NUTM2G: variants seen among roughly 807,000 people sequenced by gnomAD.
The protein encoded by NUTM2G is NUT family member 2G.
NUTM2G carries 29 observed loss-of-function variants against 44.3 expected under a neutral mutation model. The ratio of observed to expected loss-of-function variants is 0.66; its 90% CI spans 0.49 to 0.89. The LOEUF (loss-of-function observed/expected upper bound fraction) is 0.89. Among genes scored for constraint, NUTM2G ranks in the 40% least tolerant of loss-of-function variants. The pLI, the probability that NUTM2G is intolerant of heterozygous loss-of-function variation, is 0.00. For missense variants in NUTM2G, 502 were observed against 946.5 expected (o/e 0.53, Z 6.16); for synonymous variants, 205 against 395.9 (o/e 0.52, Z 5.72).
At chr9:96,938,152 A>G (rs1826503656) in intron 6 of NUTM2G, 151 bp downstream of exon 6, 3 of 648,978 alleles carry the variant, frequency 4.6e-6, no homozygotes, top group Non-Finnish European at 8.2e-6. Context: ...GTTCAGAGGG[A>G]GTAGGATGGA....
rs368070226 is a variant in NUTM2G at position 96,937,887 on chromosome 9, G to A, written c.1326G>A (p.Val442=). 6.0e-5 allele frequency: 96 copies of A among 1,610,416 alleles called. No homozygotes were observed. In the African/African-American group the frequency reaches 1.2e-3, roughly 20 times the overall value. The change falls in exon 6 of 7, where the codon GTG becomes GTA. Residue 442 remains valine, a splice_region_variant and synonymous_variant. Transcript: ENST00000372322. ...CACCTTCTTCCTTCTGTTTCCAGGT[G>A]GAGGCCGTCATTCACCCCCGATTCC... ...LCSQEDFVTK[V]EAVIHPRFLE...
intron 2 of NUTM2G, among the ~76,000 whole-genome samples, chr9:96,935,026 G>A (rs2479285): frequency 6.6e-6 from 1 of 152,216 alleles, no homozygotes; most frequent in Non-Finnish European, 1.5e-5. Flanking sequence ...TGACACACTG[G>A]CACTGAGGGC....
At chr9:96,937,018 G>A (rs1420041768) in intron 4 of NUTM2G, 46 bp from the exon 5 acceptor site, 10 of 1,501,962 alleles carry the variant, frequency 6.7e-6, no homozygotes, top group Non-Finnish European at 8.9e-6. Flanking sequence ...GTGCAGGCAG[G>A]AGGAGCGGCC....
At chr9:96,933,662 G>C in intron 2 of NUTM2G, 1 of 152,392 alleles carries the variant, frequency 6.6e-6, no homozygotes, top group East Asian at 1.9e-4. Flanking sequence ...GTGAGCCACC[G>C]CACCCACCCT....
Position 96,932,048 on chromosome 9 carries a change from C to A in NUTM2G, c.343C>A (p.Leu115Ile), listed in dbSNP as rs1444660730. Reference protein sequence around the residue: ...APLVWQAPGTLCGGVMCPPPL... With the variant: ...APLVWQAPGTICGGVMCPPPL... ...CCTCGTCTGGCAGGCTCCAGGCACCCTCTGTGGAGGTGTCATGTGTCCACC... is the reference window on the plus strand; with the variant it reads ...CCTCGTCTGGCAGGCTCCAGGCACCATCTGTGGAGGTGTCATGTGTCCACC... Residue 115 changes from leucine (L) to isoleucine (I), a missense_variant, in exon 2 of 7, where the codon CTC becomes ATC. By Grantham distance (5) the Leu-to-Ile change is conservative. Coordinates refer to ENST00000372322, the MANE Select transcript of NUTM2G (RefSeq NM_001170741.3). 1 of 1,609,580 alleles carries A rather than the reference C, an allele frequency of 6.2e-7. No individual in the cohort carries two copies. Among genetic ancestry groups the A allele is most frequent in the African/African-American group, 1.3e-5 (1 of 74,818 alleles).
At position 96,931,812 on chromosome 9, in the gene NUTM2G, G is replaced by A. The variant is rs267602327; in HGVS notation, c.107G>A (p.Gly36Asp). 3.7e-6 allele frequency: 6 copies of A among 1,611,776 alleles called. No homozygotes were observed. Among genetic ancestry groups the A allele is most frequent in the East Asian group, 4.5e-5 (2 of 44,886 alleles). Residue 36 changes from glycine to aspartate, a missense_variant, in exon 2 of 7, where the codon GGC becomes GAC. Coordinates refer to ENST00000372322, the MANE Select transcript of NUTM2G (RefSeq NM_001170741.3). The stretch of plus-strand genomic sequence containing the variant: ...CTGCCCTTTGCCACACCCTCTCCCG[G>A]CCCAACACACAGGCCGCCCCTCGTG... The part of the protein sequence containing the change: ...TALPFATPSP[G>D]PTHRPPLVTA...
At position 96,936,565 on chromosome 9, in the gene NUTM2G, G is replaced by A; in HGVS notation, c.982+1G>A. 1 of 1,551,518 alleles carries A rather than the reference G, an allele frequency of 6.4e-7. No homozygotes were observed. Among genetic ancestry groups the A allele is most frequent in the Non-Finnish European group, 8.7e-7 (1 of 1,156,014 alleles). On this transcript the variant is annotated splice_donor_variant, in intron 4 of 6. Coordinates refer to ENST00000372322, the MANE Select transcript of NUTM2G (RefSeq NM_001170741.3). LOFTEE classifies it high-confidence loss of function. The stretch of plus-strand genomic sequence containing the variant: ...GCCCCTGAGGTGGTCAAGCAGCCAG[G>A]TACAGCTTCCCACATTCCCACAGGA...
chr9:96,938,562 C>A lies in NUTM2G; in HGVS notation c.1639C>A (p.Gln547Lys). Residue 547 changes from glutamine to lysine, a missense_variant, in exon 7 of 7, where the codon CAG becomes AAG. Gln to Lys is a moderately conservative substitution (Grantham distance 53, BLOSUM62 1). Transcript: ENST00000372322. The part of the protein sequence containing the change: ...PQTAAQDPQG[Q>K]GRVRTGMARS... ...GACGGCTGCCCAGGACCCTCAGGGACAGGGCAGAGTGCGCACTGGCATGGC... is the reference window on the plus strand; with the variant it reads ...GACGGCTGCCCAGGACCCTCAGGGAAAGGGCAGAGTGCGCACTGGCATGGC... 1 of 1,613,708 alleles carries A rather than the reference C, an allele frequency of 6.2e-7. No individual in the cohort carries two copies. Among genetic ancestry groups the A allele is most frequent in the Admixed American group, 1.7e-5 (1 of 60,028 alleles).
Position 96,936,545 on chromosome 9 carries a change from T to C in NUTM2G, c.963T>C (p.Pro321=), listed in dbSNP as rs1414355135. The C allele has an allele frequency of 2.1e-5, 32 of 1,554,310 alleles. No individual in the cohort carries two copies. The highest frequency in any genetic ancestry group is 1.3e-4 in the Admixed American group (7 of 52,982). The change falls in exon 4 of 7, where the codon CCT becomes CCC. Residue 321 remains proline (P), a synonymous_variant. Coordinates refer to ENST00000372322, the MANE Select transcript of NUTM2G (RefSeq NM_001170741.3). The part of the protein sequence containing the change: ...PRLEPRGPPA[P]EVVKQPVYLP... ...TTGAACCTCGAGGACCCCCTGCCCC[T>C]GAGGTGGTCAAGCAGCCAGGTACAG...
rs199642628 is a variant in NUTM2G, at chr9:96,931,784, G to T, written c.79G>T (p.Ala27Ser). 3 of 1,611,654 alleles carry T rather than the reference G, an allele frequency of 1.9e-6. No homozygotes were observed. The South Asian group carries it at 3.3e-5, about 18-fold the overall frequency. ...NPGTSLSVFT[A>S]LPFATPSPGP... ...TGGCACCTCCCTGTCTGTGTTCACG[G>T]CTCTGCCCTTTGCCACACCCTCTCC... The change falls in exon 2 of 7, where the codon GCT becomes TCT. Residue 27 changes from alanine to serine, a missense_variant. Transcript: ENST00000372322.
rs538122935 is a variant in NUTM2G, at chr9:96,938,637, C to T, written c.1714C>T (p.Leu572=). The T allele has an allele frequency of 1.7e-5, 28 of 1,600,998 alleles. 2 individuals carry two copies. The highest frequency in any genetic ancestry group is 9.5e-5 in the East Asian group (4 of 41,940). Residue 572 remains leucine (L), a synonymous_variant, in exon 7 of 7, where the codon CTG becomes TTG. Transcript: ENST00000372322. ...TTTGGGATGTCAGGACTCCCCCAGG[C>T]TGAAGGCTGTCCGGCCAACCTCTCC... ...VLLGCQDSPR[L]KAVRPTSPPQ... is the part of the protein sequence containing the mutation.
intron 3 of NUTM2G, among the ~76,000 whole-genome samples, chr9:96,936,057 A>T (rs1421020557): frequency 2.0e-5 from 3 of 149,198 alleles, no homozygotes; most frequent in Non-Finnish European, 4.5e-5. Flanking sequence ...GTTATCCTTC[A>T]GGGGCCCACA....
intron 1 of NUTM2G, among the ~76,000 whole-genome samples, chr9:96,931,165 G>A (rs1396454085): frequency 1.3e-5 from 2 of 152,102 alleles, no homozygotes; most frequent in Non-Finnish European, 2.9e-5. Flanking sequence ...TGGGATGACA[G>A]GCATGAACCA....
chr9:96,937,846 C>T, intron 5 of NUTM2G, 39 bp from the exon 6 acceptor site: 1 of 1,602,176 alleles, frequency 6.2e-7, no homozygotes, highest in South Asian at 1.1e-5. Flanking sequence ...AGGTTACTCC[C>T]TCCCCAGGAA....
chr9:96,931,995 C>T lies in NUTM2G; in HGVS notation c.290C>T (p.Ala97Val), dbSNP rs1232538225. ...TEVGPVKPPQAQTLILTQAPL... is the reference protein window; with the variant it reads ...TEVGPVKPPQVQTLILTQAPL... ...GTGGGGCCTGTGAAGCCCCCTCAGG[C>T]ACAGACCTTGATCCTAACTCAGGCC... The change falls in exon 2 of 7, where the codon GCA becomes GTA. Residue 97 changes from alanine to valine, a missense_variant. Coordinates refer to ENST00000372322, the MANE Select transcript of NUTM2G (RefSeq NM_001170741.3). 6.2e-7 allele frequency: 1 copy of T among 1,610,464 alleles called. No individual in the cohort carries two copies. Among genetic ancestry groups the T allele is most frequent in the Non-Finnish European group, 8.5e-7 (1 of 1,179,408 alleles).
chr9:96,940,791 C>T (rs545415274), downstream of NUTM2G, among the ~76,000 whole-genome samples: 1 of 152,352 alleles, frequency 6.6e-6, no homozygotes, highest in Admixed American at 6.5e-5. Context: ...TCTCTGGCCC[C>T]ATCTGCCCAC....
Position 96,931,858 on chromosome 9 carries a change from C to T in NUTM2G, c.153C>T (p.Ala51=), listed in dbSNP as rs778181556. ...TCGTGACTGCAGTGGTTCCTCCAGC[C>T]GGCCCTCTGGTGCTCTCTGCCTTCC... ...PPLVTAVVPP[A]GPLVLSAFPS... is the part of the protein sequence containing the mutation. The change falls in exon 2 of 7, where the codon GCC becomes GCT. Residue 51 remains alanine (A), a synonymous_variant. Coordinates refer to ENST00000372322, the MANE Select transcript of NUTM2G (RefSeq NM_001170741.3). 1.5e-5 allele frequency: 24 copies of T among 1,612,430 alleles called. No individual in the cohort carries two copies. The highest frequency in any genetic ancestry group is 2.2e-5 in the South Asian group (2 of 91,006).
Position 96,935,457 on chromosome 9 carries a change from G to T in NUTM2G, c.842+1G>T. On this transcript the variant is annotated splice_donor_variant, in intron 3 of 6. Transcript: ENST00000372322. LOFTEE classifies it high-confidence loss of function. ...TGATTTTCTACGAGATGGCGGCAAA[G>T]TGAGTCTGGGGTCCTGGGGGCAGGG... 1 of 1,612,074 alleles carries T rather than the reference G, an allele frequency of 6.2e-7. No individual in the cohort carries two copies. The highest frequency in any genetic ancestry group is 8.5e-7 in the Non-Finnish European group (1 of 1,179,872).
chr9:96,930,871 GGTTTTTTTTTTTTTTTTTT>G (rs1826217665), intron 1 of NUTM2G, among the ~76,000 whole-genome samples: 3 of 104,402 alleles, frequency 2.9e-5, no homozygotes, highest in African/African-American at 1.1e-4. Flanking sequence ...TCCATCCAGT[GGTTTTTTTTTTTTTTTTTT>G]TTTTTTTTTT....
Sources: gnomAD v4.1 joint callset for allele counts (sites outside exome capture counted in the v4.1 genomes callset) on GRCh38, gnomAD v4.1.1 for gene constraint, MANE v1.5 for transcripts, NCBI Gene and HGNC (gene_info 2026-07-23, HGNC 2026-07-21) for gene names.